PRELID2: variants seen among roughly 807,000 people sequenced by gnomAD.
PRELID2 encodes PRELI domain containing 2.
PRELID2 carries 25 observed loss-of-function variants against 28.4 expected under a neutral mutation model. The ratio of observed to expected loss-of-function variants is 0.88; its 90% CI spans 0.64 to 1.23. The LOEUF (loss-of-function observed/expected upper bound fraction) is 1.23. Among genes scored for constraint, PRELID2 ranks in the 50% most tolerant of loss-of-function variants. PRELID2 has a pLI of 0.00. For missense variants in PRELID2, 201 were observed against 214.4 expected (o/e 0.94, Z 0.39); for synonymous variants, 76 against 71.6 (o/e 1.06, Z -0.31).
At chr5:145,395,622 A>G in the PRELID2 span, among the ~76,000 whole-genome samples, 1 of 152,230 alleles carries the variant, frequency 6.6e-6, no homozygotes, top group African/African-American at 2.4e-5. Flanking sequence ...AAGATGCTAT[A>G]AAGGACGAAC....
chr5:145,260,609 T>C, the PRELID2 span, among the ~76,000 whole-genome samples: 3 of 152,218 alleles, frequency 2.0e-5, no homozygotes, highest in Admixed American at 6.5e-5. Context: ...GGTGTGTGTA[T>C]TTATGAACTA....
intron 1 of PRELID2, among the ~76,000 whole-genome samples, chr5:145,642,419 T>A (rs1314479565): frequency 6.6e-6 from 1 of 152,204 alleles, no homozygotes; most frequent in Non-Finnish European, 1.5e-5. Context: ...ATATTAGCCC[T>A]TTGTCAGATG....
At chr5:145,587,546 C>G (rs1753170722) in intron 1 of PRELID2, among the ~76,000 whole-genome samples, 1 of 152,056 alleles carries the variant, frequency 6.6e-6, no homozygotes, top group African/African-American at 2.4e-5. Context: ...TCTTTGGGGG[C>G]AATAGAGAAC....
At chr5:145,603,950 A>T (rs1235024043) in intron 1 of PRELID2, among the ~76,000 whole-genome samples, 3 of 152,142 alleles carry the variant, frequency 2.0e-5, no homozygotes, top group African/African-American at 7.2e-5. Flanking sequence ...CTAGAAAAAT[A>T]AATTAGAGAA....
At chr5:145,386,083 A>C in the PRELID2 span, among the ~76,000 whole-genome samples, 3 of 152,212 alleles carry the variant, frequency 2.0e-5, no homozygotes, top group Admixed American at 2.0e-4. Flanking sequence ...GGTTTAATTG[A>C]CTAACAGTTC....
intron 1 of PRELID2, among the ~76,000 whole-genome samples, chr5:145,576,660 G>C (rs1753063026): frequency 7.3e-6 from 1 of 136,890 alleles, no homozygotes; most frequent in African/African-American, 2.8e-5. Flanking sequence ...CACACTACAT[G>C]GTTATAGCAC....
chr5:145,576,395 C>T (rs1208713104), intron 1 of PRELID2, among the ~76,000 whole-genome samples: 2 of 152,070 alleles, frequency 1.3e-5, no homozygotes, highest in African/African-American at 4.8e-5. Flanking sequence ...GTCTGGCTTC[C>T]TTTGCTTACC....
At chr5:145,740,102 A>C (rs1476599924) in intron 1 of PRELID2, among the ~76,000 whole-genome samples, 1 of 150,558 alleles carries the variant, frequency 6.6e-6, no homozygotes, top group Admixed American at 6.6e-5. Flanking sequence ...CACATGAAAT[A>C]TAATCACACA....
At chr5:145,614,012 G>C (rs1296444371) in intron 1 of PRELID2, among the ~76,000 whole-genome samples, 1 of 152,150 alleles carries the variant, frequency 6.6e-6, no homozygotes, top group African/African-American at 2.4e-5. Context: ...GAGAGATGAG[G>C]ATCCAGTTTC....
chr5:145,334,535 TC>T, the PRELID2 span, among the ~76,000 whole-genome samples: 2 of 152,200 alleles, frequency 1.3e-5, no homozygotes, highest in Non-Finnish European at 2.9e-5. Context: ...GATTACAATA[TC>T]CTGATGATTA....
chr5:145,695,273 G>A (rs76291622), intron 1 of PRELID2, among the ~76,000 whole-genome samples: 1 of 152,156 alleles, frequency 6.6e-6, no homozygotes. Flanking sequence ...GTCACGTCAA[G>A]AGGCAGAAGA....
the PRELID2 span, among the ~76,000 whole-genome samples, chr5:145,350,013 T>C: frequency 6.6e-6 from 1 of 152,128 alleles, no homozygotes; most frequent in Non-Finnish European, 1.5e-5. Flanking sequence ...AACCATGCCA[T>C]AAAATAAATA....
chr5:145,338,466 T>A, the PRELID2 span: 5 of 152,234 alleles, frequency 3.3e-5, no homozygotes, highest in Non-Finnish European at 5.9e-5. Flanking sequence ...ATCAGATATA[T>A]AACCTATTGG....
the PRELID2 span, among the ~76,000 whole-genome samples, chr5:145,427,115 GT>G: frequency 6.6e-6 from 1 of 152,188 alleles, no homozygotes; most frequent in Non-Finnish European, 1.5e-5. Flanking sequence ...ATATCATCCT[GT>G]TTTTGTCAAA....
the PRELID2 span, among the ~76,000 whole-genome samples, chr5:145,263,758 A>C: frequency 2.6e-5 from 4 of 152,108 alleles, no homozygotes; most frequent in Non-Finnish European, 4.4e-5. Context: ...CAATTCCTGG[A>C]AAGATACAAC....
At chr5:145,546,000 G>C (rs754751067) in intron 1 of PRELID2, among the ~76,000 whole-genome samples, 1 of 152,104 alleles carries the variant, frequency 6.6e-6, no homozygotes, top group Non-Finnish European at 1.5e-5. Flanking sequence ...ATAGGAAATG[G>C]AAATAAGGTC....
chr5:145,245,413 A>G, the PRELID2 span, among the ~76,000 whole-genome samples: 1 of 148,084 alleles, frequency 6.8e-6, no homozygotes, highest in Non-Finnish European at 1.5e-5. Context: ...AAGAAAGAGA[A>G]AGAGAGAGAG....
At chr5:145,277,494 T>C in the PRELID2 span, among the ~76,000 whole-genome samples, 99 of 152,272 alleles carry the variant, frequency 6.5e-4, no homozygotes, top group African/African-American at 2.4e-3. Flanking sequence ...GATGATTCCA[T>C]CCCTGTCCTT....
At chr5:145,518,140 TAATAATA>T (rs1752533516) in intron 1 of PRELID2, among the ~76,000 whole-genome samples, 3 of 27,638 alleles carry the variant, frequency 1.1e-4, no homozygotes, top group African/African-American at 6.6e-4. Context: ...TGAAGTATAA[TAATAATA>T]ATAATAATAA....
Sources: gnomAD v4.1 joint callset for allele counts (sites outside exome capture counted in the v4.1 genomes callset) on GRCh38, gnomAD v4.1.1 for gene constraint, MANE v1.5 for transcripts, NCBI Gene and HGNC (gene_info 2026-07-23, HGNC 2026-07-21) for gene names.